The following CNTNAP4 variants were observed in gnomAD, a reference collection of about 807,000 sequenced individuals.
CNTNAP4 encodes the protein contactin associated protein family member 4, also known as contactin-associated protein-like 4.
A neutral mutation model predicts 148.4 loss-of-function variants in CNTNAP4; 98 were observed. The ratio of observed to expected loss-of-function variants is 0.66; its 90% CI spans 0.56 to 0.78. CNTNAP4 has a LOEUF of 0.78. Ranked by LOEUF, CNTNAP4 falls within the 30% of genes least tolerant of loss-of-function variation. CNTNAP4 has a pLI of 0.00. For synonymous variants in CNTNAP4, 730 were observed against 565.1 expected, an observed-to-expected ratio of 1.29 and a Z score of -4.14; for missense variants, 1,935 against 1,565.6, an observed-to-expected ratio of 1.24 and a Z score of -3.98.
intron 4 of CNTNAP4, among the ~76,000 whole-genome samples, chr16:76,428,257 A>G (rs539949809): frequency 9.7e-4 from 147 of 152,274 alleles, no homozygotes; most frequent in Admixed American, 2.5e-3. Flanking sequence ...AAGCCACATT[A>G]TCCTGTTAGA....
intron 4 of CNTNAP4, among the ~76,000 whole-genome samples, chr16:76,429,059 A>G (rs373182507): frequency 6.6e-6 from 1 of 152,320 alleles, no homozygotes; most frequent in East Asian, 1.9e-4. Flanking sequence ...TGAATAACAG[A>G]GATGAGTCAG....
At chr16:76,310,643 A>T (rs564780746) in intron 1 of CNTNAP4, among the ~76,000 whole-genome samples, 1 of 152,216 alleles carries the variant, frequency 6.6e-6, no homozygotes, top group African/African-American at 2.4e-5. Context: ...TTTGCTACCT[A>T]TTCTATTTAT....
chr16:76,352,884 A>G (rs2012009342), intron 2 of CNTNAP4, among the ~76,000 whole-genome samples: 1 of 152,162 alleles, frequency 6.6e-6, no homozygotes, highest in South Asian at 2.1e-4. Context: ...CGTATAAATA[A>G]CAGTCTGCAA....
chr16:76,347,969 C>A (rs1030725629), intron 2 of CNTNAP4, among the ~76,000 whole-genome samples: 4 of 151,978 alleles, frequency 2.6e-5, no homozygotes, highest in Non-Finnish European at 5.9e-5. Flanking sequence ...TATTTCACAC[C>A]TGTTGTGTAG....
intron 1 of CNTNAP4, among the ~76,000 whole-genome samples, chr16:76,299,852 G>A (rs998114780): frequency 2.0e-5 from 3 of 152,118 alleles, no homozygotes; most frequent in Non-Finnish European, 4.4e-5. Context: ...GTAGGGACAT[G>A]GATGAAGCTG....
At chr16:76,416,140 T>C (rs2078974031) in intron 3 of CNTNAP4, among the ~76,000 whole-genome samples, 1 of 151,348 alleles carries the variant, frequency 6.6e-6, no homozygotes, top group South Asian at 2.1e-4. Context: ...AATTTGGGTC[T>C]TTTCTTTCCC....
Position 76,478,711 on chromosome 16 carries a change from A to G in CNTNAP4, c.1763-708A>G, listed in dbSNP as rs902656371. On this transcript the variant is annotated intron_variant, in intron 11 of 23. Transcript: ENST00000611870. ...CAAATTTAGGATTACATAATTAAAA[A>G]CATCCAAACATCCGATTATGGATCT... Among the ~76,000 whole-genome samples the G allele has an allele frequency of 5.3e-5, 8 of 152,130 alleles. No homozygotes were observed. The South Asian group carries it at 1.4e-3, about 28-fold the overall frequency.
chr16:76,541,224 G>T (rs1376466268), intron 21 of CNTNAP4, among the ~76,000 whole-genome samples: 1 of 152,190 alleles, frequency 6.6e-6, no homozygotes, highest in Non-Finnish European at 1.5e-5. Context: ...ATATGTTTCA[G>T]GTTATGACTT....
intron 17 of CNTNAP4, among the ~76,000 whole-genome samples, chr16:76,528,524 C>T (rs547688953): frequency 6.6e-6 from 1 of 152,272 alleles, no homozygotes; most frequent in East Asian, 1.9e-4. Context: ...CTTGGCCTCC[C>T]AAAATGCTGG....
In CNTNAP4 at chr16:76,420,595, G is replaced by A. The variant is rs535596691; in HGVS notation, c.391-6857G>A. ...TCTTACAAAAAGCCTATGGAAGCCT[G>A]TAAAATATTCTCTTCTTTGAGGGCT... On this transcript the variant is annotated intron_variant, in intron 3 of 23. Coordinates refer to ENST00000611870, the MANE Select transcript of CNTNAP4 (RefSeq NM_033401.5). 7.9e-4 allele frequency among the ~76,000 whole-genome samples: 120 copies of A among 151,916 alleles called. 1 individual carries two copies. The highest frequency in any genetic ancestry group is 2.8e-3 in the African/African-American group (118 of 41,468).
chr16:76,482,431 A>ATTTTTTTTTT (rs373576749), intron 12 of CNTNAP4, among the ~76,000 whole-genome samples: 2 of 129,600 alleles, frequency 1.5e-5, no homozygotes, highest in Non-Finnish European at 1.7e-5. Flanking sequence ...TGTTTTACAC[A>ATTTTTTTTTT]ATTTTTTTTT....
rs549818680 is a variant in CNTNAP4 at position 76,323,887 on chromosome 16, A to G, written c.196+7364A>G. Among the ~76,000 whole-genome samples, 154 of 152,316 alleles carry G rather than the reference A, an allele frequency of 1.0e-3. 2 individuals are homozygous for G. The highest frequency in any genetic ancestry group is 5.2e-4 in the Admixed American group (8 of 15,300). Reference sequence around the variant, plus strand: ...ATCAGGGAAACTAGATTATAATACTAAATTGTGAATGGCCTTAAGGAAATG... The same window carrying G: ...ATCAGGGAAACTAGATTATAATACTGAATTGTGAATGGCCTTAAGGAAATG... On this transcript the variant is annotated intron_variant, in intron 2 of 23. Transcript: ENST00000611870.
At chr16:76,496,452 A>G (rs920585000) in intron 14 of CNTNAP4, among the ~76,000 whole-genome samples, 3 of 152,160 alleles carry the variant, frequency 2.0e-5, no homozygotes, top group Non-Finnish European at 4.4e-5. Flanking sequence ...GCATAGAGCT[A>G]ACCCTTCTCA....
intron 14 of CNTNAP4, among the ~76,000 whole-genome samples, chr16:76,495,822 C>T (rs1449368195): frequency 6.6e-6 from 1 of 152,002 alleles, no homozygotes; most frequent in African/African-American, 2.4e-5. Flanking sequence ...TATTCATAGT[C>T]AATCTGGATG....
At chr16:76,502,274 A>G (rs537724590) in intron 15 of CNTNAP4, among the ~76,000 whole-genome samples, 2 of 150,646 alleles carry the variant, frequency 1.3e-5, no homozygotes, top group East Asian at 3.9e-4. Flanking sequence ...AGCGTTCTTT[A>G]TTTTCTCAGT....
chr16:76,384,197 C>A (rs1438596161), intron 3 of CNTNAP4, among the ~76,000 whole-genome samples: 1 of 151,980 alleles, frequency 6.6e-6, no homozygotes, highest in Non-Finnish European at 1.5e-5. Flanking sequence ...GCATGCACCA[C>A]CATGCCTGGC....
At chr16:76,454,425 T>G (rs2143285104) in intron 8 of CNTNAP4, among the ~76,000 whole-genome samples, 1 of 152,356 alleles carries the variant, frequency 6.6e-6, no homozygotes, top group Admixed American at 6.5e-5. Flanking sequence ...TAAAAATTTC[T>G]AAATGAATGT....
intron 17 of CNTNAP4, among the ~76,000 whole-genome samples, chr16:76,524,561 A>G (rs895113162): frequency 1.3e-5 from 2 of 152,164 alleles, no homozygotes; most frequent in Non-Finnish European, 2.9e-5. Flanking sequence ...CCGTGTAGGA[A>G]TCTTGGCCTT....
chr16:76,502,045 G>A (rs921706476), intron 15 of CNTNAP4, among the ~76,000 whole-genome samples: 2 of 151,318 alleles, frequency 1.3e-5, no homozygotes, highest in Non-Finnish European at 2.9e-5. Flanking sequence ...CTCCAGCCTG[G>A]GCGACAGAGC....
Sources: allele counts gnomAD v4.1 joint callset (sites outside exome capture counted in the v4.1 genomes callset), GRCh38; gene constraint gnomAD v4.1.1; transcripts MANE v1.5; gene names NCBI Gene and HGNC (gene_info 2026-07-23, HGNC 2026-07-21).